Variants in BMERB1 observed in about 807,000 individuals in gnomAD.
BMERB1 encodes bMERB domain containing 1, also known as bMERB domain-containing protein 1.
In BMERB1, 12 loss-of-function variants were observed where a neutral mutation model predicts 23.6. That is an observed-to-expected ratio of 0.51 (90% confidence interval 0.33 to 0.82). BMERB1 has a LOEUF of 0.82. Ranked by LOEUF, BMERB1 falls within the 40% of genes least tolerant of loss-of-function variation. The pLI is 0.03. For missense variants in BMERB1, 247 were observed against 255.4 expected, an observed-to-expected ratio of 0.97 and a Z score of 0.22; for synonymous variants, 122 against 96.6, an observed-to-expected ratio of 1.26 and a Z score of -1.54.
chr16:15,576,765 T>C (rs150474599), intron 3 of BMERB1, among the ~76,000 whole-genome samples: 1,939 of 152,170 alleles, frequency 0.013, 30 homozygotes, highest in Middle Eastern at 0.024. Flanking sequence ...AGTAGTGTTG[T>C]TGACTGGGGT....
At chr16:15,582,865 T>C (rs1428387491) in intron 4 of BMERB1, among the ~76,000 whole-genome samples, 4 of 151,982 alleles carry the variant, frequency 2.6e-5, no homozygotes, top group Non-Finnish European at 2.9e-5. Flanking sequence ...TCAGGAGAGG[T>C]GCTGCCTCAC....
At position 15,502,294 on chromosome 16, in the gene BMERB1, G is replaced by C. The variant is rs1185766383; in HGVS notation, c.107-13011G>C. The C allele has an allele frequency of 3.9e-6, 6 of 1,551,422 alleles. No individual in the cohort carries two copies. In the South Asian group the frequency reaches 5.9e-5, roughly 15 times the overall value. Reference sequence around the variant, plus strand: ...CAATCATAGCCAGGATGTGAAGCCTGTCAGTTTCCTCAGCCGCAAATTCTT... The same window carrying C: ...CAATCATAGCCAGGATGTGAAGCCTCTCAGTTTCCTCAGCCGCAAATTCTT... On this transcript the variant is annotated intron_variant, in intron 1 of 5. Coordinates refer to ENST00000300006, the MANE Select transcript of BMERB1 (RefSeq NM_033201.3).
intron 1 of BMERB1, among the ~76,000 whole-genome samples, chr16:15,482,584 A>G (rs543939741): frequency 2.5e-4 from 38 of 152,250 alleles, no homozygotes; most frequent in African/African-American, 7.2e-4. Context: ...CGACAATCCA[A>G]GGGCACCTGT....
intron 1 of BMERB1, among the ~76,000 whole-genome samples, chr16:15,514,599 G>A (rs1032033235): frequency 6.6e-6 from 1 of 151,924 alleles, no homozygotes; most frequent in Non-Finnish European, 1.5e-5. Context: ...CCAACATGGT[G>A]AAACCCCATC....
Position 15,586,697 on chromosome 16 carries a change from G to A in BMERB1, c.503-20G>A, listed in dbSNP as rs371793732. The stretch of plus-strand genomic sequence containing the variant: ...TCTGTTCCTTTCTCCCCCTCTCCCT[G>A]TGCCCACATCTTGCTGCAGGCTCCC... On this transcript the variant is annotated intron_variant, in intron 5 of 5. Transcript: ENST00000300006. 2 of 1,580,580 alleles carry A rather than the reference G, an allele frequency of 1.3e-6. No individual in the cohort carries two copies. Among genetic ancestry groups the A allele is most frequent in the South Asian group, 1.1e-5 (1 of 87,082 alleles).
At chr16:15,434,837 G>GAGGAACGCC in intron 1 of BMERB1, 78 bp downstream of exon 1, 1 of 1,305,718 alleles carries the variant, frequency 7.7e-7, no homozygotes, top group Non-Finnish European at 1.0e-6. Flanking sequence ...GCGGGAGCGC[G>GAGGAACGCC]AGGAACGCCA....
intron 1 of BMERB1, among the ~76,000 whole-genome samples, chr16:15,456,340 G>GTTT (rs560310881): frequency 7.2e-6 from 1 of 139,144 alleles, no homozygotes; most frequent in Non-Finnish European, 1.6e-5. Flanking sequence ...TCTTTTCCTT[G>GTTT]TTTTTTTTTT....
intron 2 of BMERB1, among the ~76,000 whole-genome samples, chr16:15,540,766 C>T (rs1029535236): frequency 2.6e-5 from 4 of 152,208 alleles, no homozygotes; most frequent in Non-Finnish European, 4.4e-5. Context: ...TGTGTCCCAG[C>T]GGAGATGCTT....
chr16:15,435,388 C>T (rs978267499), intron 1 of BMERB1, among the ~76,000 whole-genome samples: 4 of 152,184 alleles, frequency 2.6e-5, no homozygotes, highest in Non-Finnish European at 5.9e-5. Flanking sequence ...TCGAAATAGA[C>T]CGGCTGTATT....
intron 2 of BMERB1, among the ~76,000 whole-genome samples, chr16:15,525,333 C>T (rs1225693502): frequency 6.6e-6 from 1 of 152,164 alleles, no homozygotes; most frequent in Non-Finnish European, 1.5e-5. Flanking sequence ...CGTCAGCTCT[C>T]CTGGGTCTCC....
At chr16:15,513,064 G>T (rs919225174) in intron 1 of BMERB1, among the ~76,000 whole-genome samples, 4 of 152,068 alleles carry the variant, frequency 2.6e-5, no homozygotes, top group African/African-American at 9.7e-5. Flanking sequence ...TGATGTGATG[G>T]TGTCTCAGGG....
intron 2 of BMERB1, among the ~76,000 whole-genome samples, chr16:15,563,431 G>T (rs2030481374): frequency 6.6e-6 from 1 of 151,982 alleles, no homozygotes; most frequent in Admixed American, 6.6e-5. Context: ...ATGTTAGACA[G>T]GATGGTCTCG....
At chr16:15,445,489 A>G (rs1213701700) in intron 1 of BMERB1, among the ~76,000 whole-genome samples, 1 of 152,188 alleles carries the variant, frequency 6.6e-6, no homozygotes, top group Admixed American at 6.5e-5. Context: ...GGCTTCTGAA[A>G]ACTTCTGGAA....
intron 2 of BMERB1, among the ~76,000 whole-genome samples, chr16:15,538,656 C>A (rs897742390): frequency 6.6e-6 from 1 of 152,188 alleles, no homozygotes; most frequent in Admixed American, 6.6e-5. Context: ...AGTCCAGAAT[C>A]GCTCTGGTGA....
chr16:15,503,810 C>T (rs1478611393), intron 1 of BMERB1, among the ~76,000 whole-genome samples: 1 of 152,138 alleles, frequency 6.6e-6, no homozygotes, highest in Non-Finnish European at 1.5e-5. Flanking sequence ...GGGCTTGAAG[C>T]GACGTCTGTC....
chr16:15,491,507 A>G (rs1458172091), intron 1 of BMERB1, among the ~76,000 whole-genome samples: 2 of 152,178 alleles, frequency 1.3e-5, no homozygotes, highest in South Asian at 2.1e-4. Context: ...TAAAATTGAA[A>G]TACCATCAAT....
At chr16:15,529,134 C>T (rs2051942101) in intron 2 of BMERB1, among the ~76,000 whole-genome samples, 1 of 152,292 alleles carries the variant, frequency 6.6e-6, no homozygotes, top group African/African-American at 2.4e-5. Flanking sequence ...ACGCCATTCT[C>T]CTGCCTCAGC....
chr16:15,578,948 C>A (rs1893809961), intron 3 of BMERB1, among the ~76,000 whole-genome samples: 1 of 152,184 alleles, frequency 6.6e-6, no homozygotes, highest in Non-Finnish European at 1.5e-5. Context: ...GACTTGGAGA[C>A]TTGGGCTAGT....
chr16:15,439,158 T>A (rs1156242243), intron 1 of BMERB1, among the ~76,000 whole-genome samples: 1 of 152,186 alleles, frequency 6.6e-6, no homozygotes, highest in Non-Finnish European at 1.5e-5. Context: ...ATAAAAGATA[T>A]GTAATGTGCT....
Sources: gnomAD v4.1 joint callset for allele counts (sites outside exome capture counted in the v4.1 genomes callset) on GRCh38, gnomAD v4.1.1 for gene constraint, MANE v1.5 for transcripts, NCBI Gene and HGNC (gene_info 2026-07-23, HGNC 2026-07-21) for gene names.